Variants in RFPL3 observed in about 807,000 individuals in gnomAD.
The protein encoded by RFPL3 is ret finger protein-like 3.
Under a neutral mutation model 8.7 loss-of-function variants are expected in RFPL3, and 8 were observed. The ratio of observed to expected loss-of-function variants is 0.92; its 90% CI spans 0.54 to 1.66. RFPL3 has a LOEUF of 1.66. Ranked by LOEUF, RFPL3 falls within the 40% of genes most tolerant of loss-of-function variation. RFPL3 has a pLI of 0.00. For synonymous variants in RFPL3, 145 were observed against 150.5 expected, an observed-to-expected ratio of 0.96 and a Z score of 0.27; for missense variants, 341 against 395.0, an observed-to-expected ratio of 0.86 and a Z score of 1.16.
rs776476330 is a variant in RFPL3, at chr22:32,360,325, T to C, written c.447T>C (p.Ser149=). 3.7e-6 allele frequency: 6 copies of C among 1,613,932 alleles called. No individual in the cohort carries two copies. The South Asian group carries it at 6.6e-5, about 18-fold the overall frequency. ...CTGACGACCTCAGGAGCGTCCGAAG[T>C]GGGCTCATCACACAGAATCGGCAAG... ...LISDDLRSVR[S]GLITQNRQDL... Residue 149 remains serine, a synonymous_variant, in exon 2 of 2, where the codon AGT becomes AGC. Transcript: ENST00000249007.
At position 32,360,479 on chromosome 22, in the gene RFPL3, G is replaced by A. The variant is rs1569431707; in HGVS notation, c.601G>A (p.Val201Ile). ...EWDLGVCRES[V>I]HCKGKIQLTT... is the part of the protein sequence containing the mutation. ...GGACCTGGGAGTCTGCAGAGAATCT[G>A]TTCACTGCAAAGGGAAGATCCAGCT... Residue 201 changes from valine (V) to isoleucine (I), a missense_variant, in exon 2 of 2, where the codon GTT becomes ATT. Transcript: ENST00000249007. The A allele has an allele frequency of 6.2e-7, 1 of 1,613,968 alleles. No individual in the cohort carries two copies. The highest frequency in any genetic ancestry group is 1.7e-5 in the Admixed American group (1 of 60,014).
In RFPL3 at chr22:32,360,534, G is replaced by A. The variant is rs1932772139; in HGVS notation, c.656G>A (p.Ser219Asn). Residue 219 changes from serine (S) to asparagine (N), a missense_variant, in exon 2 of 2, where the codon AGT becomes AAT. Coordinates refer to ENST00000249007, the MANE Select transcript of RFPL3 (RefSeq NM_001098535.1). The stretch of plus-strand genomic sequence containing the variant: ...ACAGAGCTTGGATTCTGGACTGTGA[G>A]TTTGAGGGATGGAAGCCGCCTCTCT... ...LTTELGFWTV[S>N]LRDGSRLSAS... 1 of 1,614,010 alleles carries A rather than the reference G, an allele frequency of 6.2e-7. No homozygotes were observed. Among genetic ancestry groups the A allele is most frequent in the Non-Finnish European group, 8.5e-7 (1 of 1,179,878 alleles).
chr22:32,359,775 C>G (rs1372350177), intron 1 of RFPL3: 2 of 157,676 alleles, frequency 1.3e-5, no homozygotes, highest in Non-Finnish European at 2.8e-5. Flanking sequence ...GATACCCTAT[C>G]TGCTGTCAGA....
intron 1 of RFPL3, chr22:32,359,983 C>T (rs1932761526): frequency 2.1e-6 from 1 of 484,758 alleles, no homozygotes; most frequent in African/African-American, 1.9e-5. Flanking sequence ...CAGAGACCCT[C>T]CACTCTAAAT....
rs555135679 is a variant in RFPL3, at chr22:32,357,990, G to A, written c.-82G>A. 10 of 1,558,076 alleles carry A rather than the reference G, an allele frequency of 6.4e-6. No homozygotes were observed. The African/African-American group carries it at 8.4e-5, about 13-fold the overall frequency. On this transcript the variant is annotated 5_prime_UTR_variant, in exon 1 of 2. Coordinates refer to ENST00000249007, the MANE Select transcript of RFPL3 (RefSeq NM_001098535.1). The stretch of plus-strand genomic sequence containing the variant: ...ATAGAACTTCAAATCTCTGAGGACG[G>A]GGGGTGGGGGGATGTGCTTGAGTGT...
In RFPL3 at chr22:32,360,288, TC is replaced by T. The variant is rs1435432240; in HGVS notation, c.412del (p.Leu138SerfsTer72). ...TTGGATGCCGACACAGCCAACAACT[TC>T]CTCCTCATTTCTGACGACCTCAGGA... ...MTLDADTANN[F>X]LLISDDLRSV... On this transcript the variant is annotated frameshift_variant, in exon 2 of 2. Transcript: ENST00000249007. LOFTEE classifies it low-confidence loss of function (END_TRUNC). 1 of 1,613,752 alleles carries T rather than the reference TC, an allele frequency of 6.2e-7. No individual in the cohort carries two copies. The highest frequency in any genetic ancestry group is 2.2e-5 in the East Asian group (1 of 44,870).
upstream of RFPL3, among the ~76,000 whole-genome samples, chr22:32,355,724 A>AG (rs1932641787): frequency 6.7e-6 from 1 of 148,596 alleles, no homozygotes; most frequent in African/African-American, 2.5e-5. Context: ...CAGAGGTTGC[A>AG]GTGAGCCAAG....
At position 32,358,449 on chromosome 22, in the gene RFPL3, G is replaced by A. The variant is rs767039884; in HGVS notation, c.373+5G>A. 1.2e-6 allele frequency: 2 copies of A among 1,611,066 alleles called. No homozygotes were observed. The highest frequency in any genetic ancestry group is 1.7e-5 in the Admixed American group (1 of 59,848). Reference sequence around the variant, plus strand: ...CAAGGATGCGGAAGTTCCAAGGTAAGGAATCTGTATACCCTGCCCCCTTCC... The same window carrying A: ...CAAGGATGCGGAAGTTCCAAGGTAAAGAATCTGTATACCCTGCCCCCTTCC... On this transcript the variant is annotated splice_donor_5th_base_variant and intron_variant, in intron 1 of 1. Coordinates refer to ENST00000249007, the MANE Select transcript of RFPL3 (RefSeq NM_001098535.1).
chr22:32,359,961 G>A lies in RFPL3; in HGVS notation c.374-291G>A, dbSNP rs530290122. On this transcript the variant is annotated intron_variant, in intron 1 of 1. Transcript: ENST00000249007. ...ATCAAGGTGGTAGAAAGGGGGGCAT[G>A]GTGTCTGCCTTCAGAGACCCTCCAC... 1.8e-4 allele frequency: 80 copies of A among 434,118 alleles called. 1 individual carries two copies. The South Asian group carries it at 3.3e-3, about 18-fold the overall frequency. The allele number at this position is 434,118 out of a possible 1,614,324, so 26.9% of individuals were successfully genotyped here.
intron 1 of RFPL3, 181 bp from the exon 2 acceptor site, chr22:32,360,071 C>A: frequency 1.4e-6 from 1 of 734,970 alleles, no homozygotes; most frequent in Non-Finnish European, 2.2e-6. Context: ...TCACGTATTG[C>A]CACAAAGCAT....
upstream of RFPL3, among the ~76,000 whole-genome samples, chr22:32,357,147 A>G (rs73400817): frequency 0.027 from 4,107 of 152,174 alleles, 182 homozygotes; most frequent in African/African-American, 0.094. Context: ...AGGTTCCTAA[A>G]ACAACTCTCT....
chr22:32,356,942 G>C (rs1932686429), upstream of RFPL3: 1 of 518,138 alleles, frequency 1.9e-6, no homozygotes, highest in African/African-American at 1.9e-5. Context: ...GAGCTCCTCA[G>C]AGGAGGACGG....
At chr22:32,356,769 G>T, upstream of RFPL3, 1 of 385,718 alleles carries the variant, frequency 2.6e-6, no homozygotes, top group African/African-American at 2.2e-5. Flanking sequence ...CTGGTCGGGT[G>T]TCAGGCTCAG....
At chr22:32,355,730 C>A (rs1336687368), upstream of RFPL3, among the ~76,000 whole-genome samples, 1 of 145,390 alleles carries the variant, frequency 6.9e-6, no homozygotes, top group Non-Finnish European at 1.5e-5. Flanking sequence ...TTGCAGTGAG[C>A]CAAGATTGTG....
intron 1 of RFPL3, 25 bp downstream of exon 1, chr22:32,358,469 C>T (rs1418410377): frequency 1.3e-6 from 2 of 1,593,586 alleles, no homozygotes; most frequent in African/African-American, 2.7e-5. Context: ...TACCCTGCCC[C>T]CTTCCCAAGA....
chr22:32,358,012 G>T lies in RFPL3; in HGVS notation c.-60G>T. The T allele has an allele frequency of 1.9e-6, 3 of 1,581,126 alleles. No individual in the cohort carries two copies. The highest frequency in any genetic ancestry group is 2.6e-6 in the Non-Finnish European group (3 of 1,163,686). ...ACGGGGGGTGGGGGGATGTGCTTGA[G>T]TGTTTGTACTCATGGTCTTGTTCTC... On this transcript the variant is annotated 5_prime_UTR_variant, in exon 1 of 2. Coordinates refer to ENST00000249007, the MANE Select transcript of RFPL3 (RefSeq NM_001098535.1).
At chr22:32,356,953 G>C (rs1932686712), upstream of RFPL3, 3 of 519,090 alleles carry the variant, frequency 5.8e-6, no homozygotes, top group South Asian at 4.4e-5. Flanking sequence ...AGGAGGACGG[G>C]AACAGAGTGA....
At chr22:32,359,437 G>A (rs997796639) in intron 1 of RFPL3, among the ~76,000 whole-genome samples, 22 of 151,276 alleles carry the variant, frequency 1.5e-4, no homozygotes, top group African/African-American at 5.3e-4. Flanking sequence ...TTTTCAGAAT[G>A]TTCTGGACAA....
chr22:32,356,284 C>G (rs888717495), upstream of RFPL3, among the ~76,000 whole-genome samples: 1 of 151,950 alleles, frequency 6.6e-6, no homozygotes, highest in Non-Finnish European at 1.5e-5. Context: ...CAGCTTCATC[C>G]AGGAAGTAGT....
Sources: allele counts gnomAD v4.1 joint callset (sites outside exome capture counted in the v4.1 genomes callset), GRCh38; gene constraint gnomAD v4.1.1; transcripts MANE v1.5; gene names NCBI Gene and HGNC (gene_info 2026-07-23, HGNC 2026-07-21).